SEC31A: variants seen among roughly 807,000 people sequenced by gnomAD.
SEC31A encodes the protein protein transport protein Sec31A.
Under a neutral mutation model 151.0 loss-of-function variants are expected in SEC31A, and 70 were observed. The ratio of observed to expected loss-of-function variants is 0.46; its 90% CI spans 0.38 to 0.57. SEC31A has a LOEUF of 0.57. SEC31A is among the 20% of genes least tolerant of loss of function. The pLI is 0.00. For synonymous variants in SEC31A, 475 were observed against 505.9 expected (o/e 0.94, Z 0.82); for missense variants, 1,330 against 1,471.2 (o/e 0.90, Z 1.57).
chr4:82,854,753 T>A, intron 17 of SEC31A, 150 bp downstream of exon 17: 2 of 692,812 alleles, frequency 2.9e-6, no homozygotes, highest in Non-Finnish European at 4.3e-6. Context: ...ACGTATTTAA[T>A]AAATCTGAGA....
chr4:82,858,991 A>G (rs964343437), intron 14 of SEC31A, among the ~76,000 whole-genome samples: 15 of 152,144 alleles, frequency 9.9e-5, no homozygotes, highest in Middle Eastern at 3.4e-3. Flanking sequence ...GTGAGCCACC[A>G]CGCCAGGCCG....
At chr4:82,828,623 T>G (rs1261540122) in intron 23 of SEC31A, among the ~76,000 whole-genome samples, 1 of 120,638 alleles carries the variant, frequency 8.3e-6, no homozygotes, top group African/African-American at 3.1e-5. Flanking sequence ...AGTCCAAAAT[T>G]TAATTGCCAA....
At chr4:82,823,856 T>C (rs1485802558) in intron 25 of SEC31A, among the ~76,000 whole-genome samples, 1 of 152,246 alleles carries the variant, frequency 6.6e-6, no homozygotes, top group Admixed American at 6.5e-5. Flanking sequence ...GCTCCATTTA[T>C]GTGCCAAATA....
chr4:82,864,606 A>AGAGAGAAT lies in SEC31A; in HGVS notation c.1198-16_1198-9dup. The AGAGAGAAT allele has an allele frequency of 6.2e-7, 1 of 1,611,764 alleles. No individual in the cohort carries two copies. Among genetic ancestry groups the AGAGAGAAT allele is most frequent in the Non-Finnish European group, 8.5e-7 (1 of 1,178,488 alleles). On this transcript the variant is annotated splice_polypyrimidine_tract_variant and intron_variant, in intron 10 of 26. Transcript: ENST00000395310. ...AACCAGTTTGCCTCCAAACTATAAA[A>AGAGAGAAT]GAGAGAATGAACAAACTCAGTGTTA...
chr4:82,834,559 G>A (rs1435178108), intron 22 of SEC31A, among the ~76,000 whole-genome samples: 3 of 152,114 alleles, frequency 2.0e-5, no homozygotes, highest in Non-Finnish European at 4.4e-5. Context: ...AGGAAGGTCC[G>A]TTGGCTAGCC....
intron 19 of SEC31A, 42 bp from the exon 20 acceptor site, chr4:82,849,019 C>A: frequency 6.4e-7 from 1 of 1,555,336 alleles, no homozygotes; most frequent in South Asian, 1.2e-5. Flanking sequence ...GAGAGTTCAC[C>A]CAGGTATATG....
chr4:82,819,210 C>T lies in SEC31A; in HGVS notation c.3527G>A (p.Ser1176Asn). Residue 1176 changes from serine to asparagine, a missense_variant, in exon 27 of 27, where the codon AGC (serine) becomes AAC (asparagine). Transcript: ENST00000395310. ...ITSGLHNIAR[S>N]IETRNYSEGL... ...TTCTGAGTAGTTTCGAGTTTCAATG[C>T]TCCTTGCAATGTTGTGTAAACCACT... The T allele has an allele frequency of 3.1e-6, 5 of 1,609,762 alleles. No homozygotes were observed. Among genetic ancestry groups the T allele is most frequent in the Non-Finnish European group, 4.2e-6 (5 of 1,178,066 alleles).
intron 15 of SEC31A, among the ~76,000 whole-genome samples, chr4:82,857,466 A>T (rs1163070554): frequency 6.6e-6 from 1 of 151,934 alleles, no homozygotes; most frequent in Non-Finnish European, 1.5e-5. Flanking sequence ...ACACTCTACC[A>T]CCTGTGATAA....
At chr4:82,850,237 TTATAA>T (rs1233888861) in intron 19 of SEC31A, among the ~76,000 whole-genome samples, 5 of 152,294 alleles carry the variant, frequency 3.3e-5, no homozygotes, top group East Asian at 1.9e-4. Flanking sequence ...ATAAAGGTTC[TTATAA>T]TATACCTCAA....
chr4:82,885,523 T>C (rs894001297), intron 1 of SEC31A, among the ~76,000 whole-genome samples: 1 of 152,186 alleles, frequency 6.6e-6, no homozygotes, highest in East Asian at 1.9e-4. Context: ...TGAGCACTTA[T>C]GAAATTAGCT....
intron 22 of SEC31A, among the ~76,000 whole-genome samples, chr4:82,837,941 T>C (rs528773052): frequency 6.6e-6 from 1 of 152,206 alleles, no homozygotes. Context: ...GGCTAGAACA[T>C]TAATTTGAAA....
chr4:82,840,935 A>G (rs1728591370), intron 22 of SEC31A, among the ~76,000 whole-genome samples: 1 of 152,198 alleles, frequency 6.6e-6, no homozygotes, highest in Non-Finnish European at 1.5e-5. Flanking sequence ...ATTACTATAC[A>G]CTACTGTTGA....
intron 13 of SEC31A, 142 bp from the exon 14 acceptor site, chr4:82,861,850 G>A (rs150423949): frequency 0.012 from 4,223 of 364,196 alleles, 69 homozygotes; most frequent in Middle Eastern, 0.015. Flanking sequence ...AAATTTATTT[G>A]AGAAATACCA....
chr4:82,898,408 A>C (rs955506597), intron 3 of SEC31A, among the ~76,000 whole-genome samples: 2 of 152,258 alleles, frequency 1.3e-5, no homozygotes, highest in Non-Finnish European at 2.9e-5. Context: ...GCAGAAGTAA[A>C]TATCTAGAGC....
intron 3 of SEC31A, 70 bp from the exon 4 acceptor site, chr4:82,878,998 T>C (rs1738640595): frequency 1.7e-6 from 2 of 1,149,496 alleles, no homozygotes; most frequent in South Asian, 1.4e-5. Context: ...ATTGAAATTA[T>C]ACACTTAATT....
At chr4:82,834,915 G>A (rs919353177) in intron 22 of SEC31A, among the ~76,000 whole-genome samples, 18 of 152,106 alleles carry the variant, frequency 1.2e-4, no homozygotes, top group Middle Eastern at 3.4e-3. Flanking sequence ...GCACAATCCC[G>A]GCTCACTGCA....
chr4:82,852,449 A>G (rs1048406593), intron 18 of SEC31A, among the ~76,000 whole-genome samples: 11 of 152,116 alleles, frequency 7.2e-5, no homozygotes, highest in African/African-American at 1.9e-4. Flanking sequence ...ATCTTTCCAC[A>G]ATGGGGAGCT....
chr4:82,892,678 C>T (rs1278404123), upstream of SEC31A, among the ~76,000 whole-genome samples: 1 of 152,212 alleles, frequency 6.6e-6, no homozygotes, highest in Non-Finnish European at 1.5e-5. Context: ...AACAAATCAA[C>T]AAACTTTGAA....
chr4:82,819,515 G>A (rs904371512), intron 26 of SEC31A, among the ~76,000 whole-genome samples: 8 of 152,058 alleles, frequency 5.3e-5, no homozygotes, highest in Admixed American at 5.2e-4. Flanking sequence ...AAAGCAGCCC[G>A]ATTTCCTCTC....
Sources: gnomAD v4.1 joint callset for allele counts (sites outside exome capture counted in the v4.1 genomes callset) on GRCh38, gnomAD v4.1.1 for gene constraint, MANE v1.5 for transcripts, NCBI Gene and HGNC (gene_info 2026-07-23, HGNC 2026-07-21) for gene names.